Variants in KANSL1 observed in about 807,000 individuals in gnomAD.
The protein encoded by KANSL1 is KAT8 regulatory NSL complex subunit 1, also known as MLL1/MLL complex subunit KANSL1.
Under a neutral mutation model 103.6 loss-of-function variants are expected in KANSL1, and 22 were observed. The observed-to-expected ratio is 0.21, with a 90% CI of 0.15 to 0.30. KANSL1 has a LOEUF of 0.30. Ranked by LOEUF, KANSL1 falls within the 10% of genes least tolerant of loss-of-function variation. KANSL1 has a pLI of 1.00. For synonymous variants in KANSL1, 600 were observed against 527.6 expected, an observed-to-expected ratio of 1.14 and a Z score of -1.88; for missense variants, 1,337 against 1,399.8, an observed-to-expected ratio of 0.96 and a Z score of 0.72.
At chr17:46,040,652 G>T (rs1233784261) in intron 7 of KANSL1, 1 of 152,166 alleles carries the variant, frequency 6.6e-6, no homozygotes, top group African/African-American at 2.4e-5. Context: ...CTTACTTGTA[G>T]GTGGTCTGGT....
chr17:46,032,381 T>C (rs2077036328), intron 13 of KANSL1, 82 bp from the exon 14 acceptor site: 5 of 1,260,240 alleles, frequency 4.0e-6, no homozygotes, highest in Middle Eastern at 2.0e-4. Context: ...GCATCCCCAC[T>C]GGAGGAGTTG....
chr17:46,171,676 C>G lies in KANSL1; in HGVS notation c.468G>C (p.Gly156=), dbSNP rs150877831. 58 of 1,552,572 alleles carry G rather than the reference C, an allele frequency of 3.7e-5. No homozygotes were observed. In the Admixed American group the frequency reaches 6.0e-4, roughly 16 times the overall value. The change falls in exon 2 of 15, where the codon GGG becomes GGC. Residue 156 remains glycine, a synonymous_variant. Transcript: ENST00000432791. ...AACTTTTAGTCAATTTCTTAGCCAA[C>G]CCATTTACAGGTGCTTGTGGCAGAG... ...QTALPQAPVN[G]LAKKLTKSST...
chr17:46,211,227 C>CAAAAA (rs574672233), intron 1 of KANSL1, among the ~76,000 whole-genome samples: 12,525 of 101,550 alleles, frequency 0.12, 62 homozygotes, highest in Non-Finnish European at 0.18. Context: ...ATGTTCTATG[C>CAAAAA]AAAAAAAAAA....
chr17:46,105,701 C>G (rs1567679961), intron 2 of KANSL1, among the ~76,000 whole-genome samples: 1 of 152,000 alleles, frequency 6.6e-6, no homozygotes, highest in Non-Finnish European at 1.5e-5. Context: ...AACCCCATGT[C>G]TCTACAAAAA....
chr17:46,135,150 T>C (rs1049119942), intron 2 of KANSL1, among the ~76,000 whole-genome samples: 5 of 146,490 alleles, frequency 3.4e-5, no homozygotes, highest in South Asian at 2.1e-4. Context: ...CAGGGAGAAA[T>C]AACTTGGGGA....
chr17:46,112,486 A>G (rs895281228), intron 2 of KANSL1, among the ~76,000 whole-genome samples: 2 of 150,898 alleles, frequency 1.3e-5, no homozygotes, highest in African/African-American at 4.9e-5. Flanking sequence ...GGAATTCGAG[A>G]CCGGCGTGGC....
rs190715302 is a variant in KANSL1 at position 46,199,569 on chromosome 17, A to G, written c.-90+24102T>C. Among the ~76,000 whole-genome samples the G allele has an allele frequency of 1.7e-4, 26 of 152,400 alleles. No homozygotes were observed. In the East Asian group the frequency reaches 4.0e-3, roughly 24 times the overall value. On this transcript the variant is annotated intron_variant, in intron 1 of 14. Coordinates refer to the KANSL1 transcript ENST00000572904. Reference sequence around the variant, plus strand: ...AAATGGCAAAGTATTACAAGAATGCATAGCATTCCTTCATTTCAATCCAAC... The same window carrying G: ...AAATGGCAAAGTATTACAAGAATGCGTAGCATTCCTTCATTTCAATCCAAC...
intron 2 of KANSL1, among the ~76,000 whole-genome samples, chr17:46,142,974 T>C (rs911772360): frequency 2.6e-5 from 4 of 152,228 alleles, no homozygotes; most frequent in Non-Finnish European, 5.9e-5. Context: ...TACAAGTATA[T>C]AGTAAAGGAA....
At chr17:46,112,791 G>A (rs906730708) in intron 2 of KANSL1, among the ~76,000 whole-genome samples, 2 of 150,854 alleles carry the variant, frequency 1.3e-5, no homozygotes, top group African/African-American at 2.4e-5. Context: ...GCACAATCTT[G>A]GCTCACTACA....
chr17:46,182,876 G>A (rs1377573961), intron 1 of KANSL1, among the ~76,000 whole-genome samples: 5 of 152,218 alleles, frequency 3.3e-5, no homozygotes, highest in Non-Finnish European at 7.3e-5. Context: ...TTAACTGCCT[G>A]ACAGTAAATT....
At chr17:46,217,130 A>G (rs1338405732) in intron 1 of KANSL1, among the ~76,000 whole-genome samples, 39 of 144,134 alleles carry the variant, frequency 2.7e-4, no homozygotes, top group East Asian at 6.0e-4. Context: ...AAAAAAAAAA[A>G]AGAGATATGT....
Position 46,094,540 on chromosome 17 carries a change from A to G in KANSL1, c.1431+20T>C, listed in dbSNP as rs754128422. ...ATAGTTTTCGGCAGCATTTAAAAAC[A>G]TCAGATACTTATCCCTTACCTTATT... On this transcript the variant is annotated intron_variant, in intron 3 of 14. Transcript: ENST00000432791. The G allele has an allele frequency of 1.4e-5, 22 of 1,604,684 alleles. No individual in the cohort carries two copies. In the South Asian group the frequency reaches 2.4e-4, roughly 18 times the overall value.
chr17:46,091,812 AGTAT>A (rs149207902), intron 3 of KANSL1, among the ~76,000 whole-genome samples: 1 of 151,504 alleles, frequency 6.6e-6, no homozygotes, highest in Non-Finnish European at 1.5e-5. Flanking sequence ...TATATATGTA[AGTAT>A]GTATGTATGT....
At chr17:46,219,865 A>G (rs2048466806) in intron 1 of KANSL1, among the ~76,000 whole-genome samples, 1 of 152,196 alleles carries the variant, frequency 6.6e-6, no homozygotes, top group South Asian at 2.1e-4. Flanking sequence ...GCACTTTGGG[A>G]GGCCGAGTTG....
At chr17:46,055,878 C>A (rs368767297) in intron 6 of KANSL1, among the ~76,000 whole-genome samples, 7 of 152,040 alleles carry the variant, frequency 4.6e-5, no homozygotes, top group South Asian at 2.1e-4. Flanking sequence ...TTTAAAAAAA[C>A]AAAAGGAGGT....
At chr17:46,211,842 G>C (rs2048177973) in intron 1 of KANSL1, among the ~76,000 whole-genome samples, 1 of 152,228 alleles carries the variant, frequency 6.6e-6, no homozygotes, top group South Asian at 2.1e-4. Flanking sequence ...GTTAAAAATA[G>C]ATTCAAGTGC....
At chr17:46,181,998 C>T (rs1317105672) in intron 1 of KANSL1, among the ~76,000 whole-genome samples, 1 of 152,168 alleles carries the variant, frequency 6.6e-6, no homozygotes, top group Non-Finnish European at 1.5e-5. Flanking sequence ...GTATAATGCA[C>T]TTAAAGTCAC....
At chr17:46,079,028 G>A (rs187009566) in intron 4 of KANSL1, among the ~76,000 whole-genome samples, 3 of 147,632 alleles carry the variant, frequency 2.0e-5, no homozygotes, top group African/African-American at 7.3e-5. Context: ...GAATGAAGAG[G>A]TTAAAATAAA....
chr17:46,065,290 T>C (rs981455776), intron 6 of KANSL1, among the ~76,000 whole-genome samples: 21 of 152,216 alleles, frequency 1.4e-4, no homozygotes, highest in Admixed American at 2.0e-4. Context: ...TTTAATGCTA[T>C]AGGACACACT....
Sources: allele counts gnomAD v4.1 joint callset (sites outside exome capture counted in the v4.1 genomes callset), GRCh38; gene constraint gnomAD v4.1.1; transcripts MANE v1.5; gene names NCBI Gene and HGNC (gene_info 2026-07-23, HGNC 2026-07-21).